ADCY2: variants seen among roughly 807,000 people sequenced by gnomAD.
ADCY2 encodes adenylate cyclase 2, also known as adenylate cyclase type 2.
A neutral mutation model predicts 125.2 loss-of-function variants in ADCY2; 31 were observed. The ratio of observed to expected loss-of-function variants is 0.25; its 90% CI spans 0.19 to 0.33. ADCY2 has a LOEUF of 0.33. ADCY2 is among the 10% of genes least tolerant of loss of function. The pLI is 1.00. For synonymous variants in ADCY2, 512 were observed against 548.4 expected, an observed-to-expected ratio of 0.93 and a Z score of 0.93; for missense variants, 904 against 1,418.2, an observed-to-expected ratio of 0.64 and a Z score of 5.82.
intron 2 of ADCY2, among the ~76,000 whole-genome samples, chr5:7,431,878 T>TC (rs1740614335): frequency 6.6e-6 from 1 of 152,074 alleles, no homozygotes; most frequent in African/African-American, 2.4e-5. Flanking sequence ...AGAGGGTGGA[T>TC]CCCTGGTGAG....
intron 22 of ADCY2, among the ~76,000 whole-genome samples, chr5:7,807,351 A>G (rs1004223922): frequency 7.9e-5 from 12 of 152,188 alleles, no homozygotes; most frequent in African/African-American, 2.9e-4. Context: ...CTACACCTCC[A>G]CAATCCTGCC....
intron 10 of ADCY2, among the ~76,000 whole-genome samples, chr5:7,711,978 A>C (rs1286170664): frequency 6.6e-6 from 1 of 152,196 alleles, no homozygotes; most frequent in Non-Finnish European, 1.5e-5. Flanking sequence ...GACATTGCTG[A>C]AAGTGATTCC....
intron 7 of ADCY2, among the ~76,000 whole-genome samples, chr5:7,706,102 A>G (rs902241657): frequency 2.0e-5 from 3 of 152,224 alleles, no homozygotes; most frequent in Non-Finnish European, 4.4e-5. Context: ...AAGAACAAAT[A>G]AGCATTGCCA....
chr5:7,716,517 T>G (rs943558963), intron 11 of ADCY2, among the ~76,000 whole-genome samples: 1 of 152,214 alleles, frequency 6.6e-6, no homozygotes, highest in Non-Finnish European at 1.5e-5. Context: ...AAATGCCTAG[T>G]AAATTTCACA....
chr5:7,723,656 C>T (rs1488495924), intron 12 of ADCY2, among the ~76,000 whole-genome samples: 15 of 152,084 alleles, frequency 9.9e-5, no homozygotes, highest in Admixed American at 9.8e-4. Context: ...GGCGCGGTGG[C>T]TCACGCCTGT....
chr5:7,546,834 C>G (rs1735162868), intron 3 of ADCY2, among the ~76,000 whole-genome samples: 1 of 152,214 alleles, frequency 6.6e-6, no homozygotes, highest in Admixed American at 6.5e-5. Flanking sequence ...TGCAGCATTT[C>G]CTGGCTCCTT....
At chr5:7,412,056 C>A (rs1460367540) in intron 1 of ADCY2, among the ~76,000 whole-genome samples, 2 of 150,112 alleles carry the variant, frequency 1.3e-5, no homozygotes, top group African/African-American at 4.9e-5. Flanking sequence ...GCCTGGGCGA[C>A]AGAGCGAGAC....
At chr5:7,624,585 A>T (rs1738062651) in intron 3 of ADCY2, among the ~76,000 whole-genome samples, 1 of 152,150 alleles carries the variant, frequency 6.6e-6, no homozygotes, top group Non-Finnish European at 1.5e-5. Flanking sequence ...AAGTTAGACC[A>T]ATTTCTCCTG....
chr5:7,606,921 G>A (rs756665492), intron 3 of ADCY2, among the ~76,000 whole-genome samples: 34 of 152,028 alleles, frequency 2.2e-4, no homozygotes, highest in Non-Finnish European at 4.0e-4. Context: ...TGTCCATACT[G>A]TCTTCCATCC....
chr5:7,577,424 A>G (rs533169434), intron 3 of ADCY2, among the ~76,000 whole-genome samples: 19 of 152,348 alleles, frequency 1.2e-4, no homozygotes, highest in African/African-American at 4.6e-4. Flanking sequence ...TTACATATGT[A>G]TATGGGATTT....
intron 11 of ADCY2, among the ~76,000 whole-genome samples, chr5:7,715,466 C>T (rs988311498): frequency 2.6e-5 from 4 of 151,388 alleles, no homozygotes; most frequent in South Asian, 2.1e-4. Context: ...GACTGATAAA[C>T]GTTAAATGAA....
chr5:7,526,830 A>G (rs1218756573), intron 3 of ADCY2, among the ~76,000 whole-genome samples: 1 of 152,352 alleles, frequency 6.6e-6, no homozygotes, highest in Non-Finnish European at 1.5e-5. Flanking sequence ...ACATGCTGGA[A>G]TCCCTTAATG....
chr5:7,558,323 G>T (rs916204098), intron 3 of ADCY2, among the ~76,000 whole-genome samples: 1 of 152,110 alleles, frequency 6.6e-6, no homozygotes, highest in African/African-American at 2.4e-5. Context: ...AAAGTGCTGG[G>T]ATTACAGGCA....
chr5:7,632,679 C>A (rs780820010), intron 4 of ADCY2, among the ~76,000 whole-genome samples: 1 of 152,202 alleles, frequency 6.6e-6, no homozygotes. Flanking sequence ...AATATTTTCA[C>A]AGTTTGCACC....
intron 7 of ADCY2, among the ~76,000 whole-genome samples, chr5:7,700,136 A>G (rs1456985157): frequency 6.6e-6 from 1 of 152,104 alleles, no homozygotes; most frequent in Non-Finnish European, 1.5e-5. Flanking sequence ...ATACAAAAAT[A>G]TTTTCATCGA....
intron 22 of ADCY2, among the ~76,000 whole-genome samples, chr5:7,805,438 T>C (rs1254324832): frequency 6.6e-6 from 1 of 152,080 alleles, no homozygotes; most frequent in Non-Finnish European, 1.5e-5. Flanking sequence ...TTTTCGAGAT[T>C]TTCTCGTGTG....
At chr5:7,780,892 C>T (rs1315784484) in intron 18 of ADCY2, among the ~76,000 whole-genome samples, 2 of 152,168 alleles carry the variant, frequency 1.3e-5, no homozygotes, top group Admixed American at 6.5e-5. Context: ...CTTTTGGACT[C>T]CTGAAACTTG....
chr5:7,578,358 T>C (rs934093385), intron 3 of ADCY2, among the ~76,000 whole-genome samples: 5 of 152,186 alleles, frequency 3.3e-5, no homozygotes, highest in African/African-American at 7.2e-5. Flanking sequence ...TGCTTTTTTA[T>C]TGAGAAAGTT....
rs919870085 is a variant in ADCY2 at position 7,827,569 on chromosome 5, T to C, written c.*698T>C. On this transcript the variant is annotated 3_prime_UTR_variant, in exon 25 of 25. Transcript: ENST00000338316. ...TGTATCTTTTATTTTCCTGTCTTCT[T>C]TCTCCTGTGGTTTGCTCCAGAATTA... 1 of 152,412 alleles carries C rather than the reference T, an allele frequency of 6.6e-6. No homozygotes were observed. The highest frequency in any genetic ancestry group is 2.4e-5 in the African/African-American group (1 of 41,470). The allele number at this position is 152,412 out of a possible 1,614,324, so 9.4% of individuals were successfully genotyped here. A position where few individuals can be genotyped will look rare whatever the true frequency, so the allele number is the denominator to read the frequency against.
Sources: gnomAD v4.1 joint callset for allele counts (sites outside exome capture counted in the v4.1 genomes callset) on GRCh38, gnomAD v4.1.1 for gene constraint, MANE v1.5 for transcripts, NCBI Gene and HGNC (gene_info 2026-07-23, HGNC 2026-07-21) for gene names.